Variants in FRAS1 observed in about 807,000 individuals in gnomAD.
The protein encoded by FRAS1 is Fraser extracellular matrix complex subunit 1.
A neutral mutation model predicts 435.2 loss-of-function variants in FRAS1; 290 were observed. The observed-to-expected ratio is 0.67, with a 90% CI of 0.61 to 0.73. The LOEUF (loss-of-function observed/expected upper bound fraction) is 0.73, where lower values mean the gene tolerates loss of function less well. FRAS1 is among the 30% of genes least tolerant of loss of function. The probability of loss-of-function intolerance (pLI) is 0.00; values close to 1 mark genes in which losing one functional copy is unlikely to be tolerated. For missense variants in FRAS1, 4,860 were observed against 5,001.5 expected, an observed-to-expected ratio of 0.97 and a Z score of 0.85; for synonymous variants, 1,800 against 1,851.0, an observed-to-expected ratio of 0.97 and a Z score of 0.71.
At chr4:78,526,456 G>C in intron 69 of FRAS1, 85 bp from the exon 70 acceptor site, 1 of 815,596 alleles carries the variant, frequency 1.2e-6, no homozygotes, top group Non-Finnish European at 2.0e-6. Flanking sequence ...CCTGAAAACT[G>C]TTTAGTGAAG....
At chr4:78,513,687 C>A in intron 65 of FRAS1, 135 bp downstream of exon 65, 2 of 776,298 alleles carry the variant, frequency 2.6e-6, no homozygotes, top group Non-Finnish European at 4.2e-6. Context: ...TTCCTTCTAG[C>A]ACACATGCAA....
intron 20 of FRAS1, among the ~76,000 whole-genome samples, chr4:78,339,943 TCC>T (rs1447491538): frequency 6.6e-6 from 1 of 152,210 alleles, no homozygotes; most frequent in Non-Finnish European, 1.5e-5. Flanking sequence ...CTGAATTATA[TCC>T]TTCATGATGG....
At chr4:78,151,087 A>G (rs1252520855) in intron 2 of FRAS1, among the ~76,000 whole-genome samples, 2 of 152,208 alleles carry the variant, frequency 1.3e-5, no homozygotes, top group African/African-American at 2.4e-5. Context: ...GAAATTTTTC[A>G]CCACCACTAA....
intron 14 of FRAS1, among the ~76,000 whole-genome samples, chr4:78,288,516 A>T: frequency 6.6e-6 from 1 of 152,110 alleles, no homozygotes. Flanking sequence ...GTAATGTTTC[A>T]TTTGATTAGT....
At chr4:78,166,396 G>A (rs886518932) in intron 2 of FRAS1, among the ~76,000 whole-genome samples, 7 of 151,866 alleles carry the variant, frequency 4.6e-5, no homozygotes, top group African/African-American at 1.7e-4. Context: ...TGAAGAACGA[G>A]GTGTCAGTAG....
At chr4:78,111,871 A>G (rs897486436) in intron 2 of FRAS1, among the ~76,000 whole-genome samples, 2 of 152,114 alleles carry the variant, frequency 1.3e-5, no homozygotes, top group African/African-American at 2.4e-5. Context: ...AATAAAACAC[A>G]TAGGAGAATA....
At chr4:78,115,399 G>A (rs1278562788) in intron 2 of FRAS1, among the ~76,000 whole-genome samples, 2 of 152,148 alleles carry the variant, frequency 1.3e-5, no homozygotes, top group African/African-American at 4.8e-5. Context: ...GTTTCAGAAG[G>A]AATGGTACCA....
chr4:78,488,828 CCT>C, intron 58 of FRAS1, 45 bp from the exon 59 acceptor site: 1 of 1,556,348 alleles, frequency 6.4e-7, no homozygotes, highest in African/African-American at 1.4e-5. Flanking sequence ...CCACAGCTTC[CCT>C]GTCTTCCACT....
At chr4:78,461,138 A>G (rs1242079163) in intron 47 of FRAS1, among the ~76,000 whole-genome samples, 2 of 152,256 alleles carry the variant, frequency 1.3e-5, no homozygotes, top group African/African-American at 2.4e-5. Flanking sequence ...GAAAGAGGAT[A>G]TAGCCAATAA....
In FRAS1 at chr4:78,541,043, C is replaced by A. The variant is rs763811318; in HGVS notation, c.11958C>A (p.Tyr3986Ter). 2.0e-6 allele frequency: 3 copies of A among 1,489,354 alleles called. No homozygotes were observed. In the South Asian group the frequency reaches 4.5e-5, roughly 22 times the overall value. The allele number at this position is 1,489,354 out of a possible 1,614,324, so 92.3% of individuals were successfully genotyped here. Residue 3986 changes from tyrosine to a stop codon, truncating the protein, a stop_gained, in exon 74 of 74, where the codon TAC becomes TAA. Coordinates refer to ENST00000512123, the MANE Select transcript of FRAS1 (RefSeq NM_025074.7). LOFTEE classifies it high-confidence loss of function. ...TCCTGAGTGAGCCTGAGGCGGCTTA[C>A]ACGTTCAAAGGTGCTAAAGTCAAAA... ...VNILSEPEAAYTFKGAKVKRL... is the reference protein window; with the variant it reads ...VNILSEPEAA
At chr4:78,288,074 A>T (rs1667003718) in intron 14 of FRAS1, among the ~76,000 whole-genome samples, 2 of 152,174 alleles carry the variant, frequency 1.3e-5, no homozygotes, top group Admixed American at 6.5e-5. Context: ...TCCTTCAAAG[A>T]CCAGTGTTTC....
chr4:78,418,134 T>C (rs1733624632), intron 32 of FRAS1, among the ~76,000 whole-genome samples: 1 of 152,188 alleles, frequency 6.6e-6, no homozygotes, highest in South Asian at 2.1e-4. Context: ...GCATCAGCCG[T>C]CTGATTAACA....
At chr4:78,443,620 C>T (rs1019119261) in intron 41 of FRAS1, among the ~76,000 whole-genome samples, 3 of 152,130 alleles carry the variant, frequency 2.0e-5, no homozygotes, top group Non-Finnish European at 2.9e-5. Flanking sequence ...ATCGCCTGTG[C>T]GCATCAACAC....
chr4:78,270,947 T>C (rs1158724108), intron 9 of FRAS1, among the ~76,000 whole-genome samples: 1 of 152,226 alleles, frequency 6.6e-6, no homozygotes, highest in Non-Finnish European at 1.5e-5. Context: ...TAATCATTTA[T>C]GTATTTTTGT....
intron 43 of FRAS1, 130 bp from the exon 44 acceptor site, chr4:78,447,923 C>A: frequency 1.3e-6 from 1 of 750,682 alleles, no homozygotes; most frequent in Non-Finnish European, 2.1e-6. Context: ...AAGCTGTTGG[C>A]ACCAAGAGCC....
chr4:78,405,137 C>T (rs1308748088), intron 30 of FRAS1, among the ~76,000 whole-genome samples: 3 of 152,104 alleles, frequency 2.0e-5, no homozygotes, highest in African/African-American at 4.8e-5. Context: ...ATCTGTATGA[C>T]ATGAAAGTGA....
At chr4:78,288,049 A>G (rs1727695328) in intron 14 of FRAS1, among the ~76,000 whole-genome samples, 1 of 152,198 alleles carries the variant, frequency 6.6e-6, no homozygotes, top group African/African-American at 2.4e-5. Flanking sequence ...GAATGAGAAT[A>G]CTACCAGTTG....
intron 2 of FRAS1, among the ~76,000 whole-genome samples, chr4:78,111,948 G>T (rs969839105): frequency 6.6e-6 from 1 of 151,970 alleles, no homozygotes; most frequent in Non-Finnish European, 1.5e-5. Context: ...TCAAGAGGTA[G>T]GCAAAGATCC....
intron 48 of FRAS1, 41 bp from the exon 49 acceptor site, chr4:78,464,402 C>G: frequency 1.2e-6 from 2 of 1,612,734 alleles, no homozygotes; most frequent in Non-Finnish European, 1.7e-6. Context: ...TGGGTAGGTG[C>G]TAGGGACAGG....
Sources: allele counts gnomAD v4.1 joint callset (sites outside exome capture counted in the v4.1 genomes callset), GRCh38; gene constraint gnomAD v4.1.1; transcripts MANE v1.5; gene names NCBI Gene and HGNC (gene_info 2026-07-23, HGNC 2026-07-21).